The following DPPA2 variants were observed in gnomAD, a reference collection of about 807,000 sequenced individuals.
DPPA2 encodes the protein developmental pluripotency associated 2.
DPPA2 carries 26 observed loss-of-function variants against 36.2 expected under a neutral mutation model. The ratio of observed to expected loss-of-function variants is 0.72; its 90% CI spans 0.53 to 1.00. DPPA2 has a LOEUF of 1.00. DPPA2 is among the 50% of genes least tolerant of loss of function. The pLI is 0.00. For missense variants in DPPA2, 361 were observed against 365.1 expected (o/e 0.99, Z 0.09); for synonymous variants, 113 against 123.2 (o/e 0.92, Z 0.55).
At chr3:109,302,901 T>C (rs551073136) in intron 7 of DPPA2, among the ~76,000 whole-genome samples, 310 of 152,246 alleles carry the variant, frequency 2.0e-3, no homozygotes, top group African/African-American at 7.2e-3. Flanking sequence ...TGCATGTATA[T>C]TTTCCTGGAG....
intron 6 of DPPA2, among the ~76,000 whole-genome samples, chr3:109,305,156 T>C (rs1231914651): frequency 6.6e-6 from 1 of 151,650 alleles, no homozygotes; most frequent in Admixed American, 6.6e-5. Flanking sequence ...CAAAAAATAA[T>C]AATACTAATA....
At chr3:109,305,803 A>T (rs573579364) in intron 6 of DPPA2, among the ~76,000 whole-genome samples, 2 of 151,406 alleles carry the variant, frequency 1.3e-5, no homozygotes, top group Admixed American at 6.6e-5. Flanking sequence ...CGCGTAAGGA[A>T]CAATTTAAGT....
intron 6 of DPPA2, among the ~76,000 whole-genome samples, chr3:109,307,287 A>T (rs1707588534): frequency 6.6e-6 from 1 of 151,902 alleles, no homozygotes; most frequent in Non-Finnish European, 1.5e-5. Context: ...TCTATGAAAC[A>T]TGTAAATCTT....
At chr3:109,315,800 A>G (rs1707775695) in intron 1 of DPPA2, among the ~76,000 whole-genome samples, 1 of 152,156 alleles carries the variant, frequency 6.6e-6, no homozygotes, top group Non-Finnish European at 1.5e-5. Flanking sequence ...AGGCCGAGGA[A>G]GGACGACCAC....
At chr3:109,298,239 T>G (rs1707387826) in intron 8 of DPPA2, among the ~76,000 whole-genome samples, 1 of 152,186 alleles carries the variant, frequency 6.6e-6, no homozygotes. Flanking sequence ...AACCATAGAA[T>G]GTACAACACG....
At chr3:109,311,262 T>C (rs998215307) in intron 3 of DPPA2, among the ~76,000 whole-genome samples, 9 of 152,176 alleles carry the variant, frequency 5.9e-5, no homozygotes, top group African/African-American at 9.6e-5. Context: ...GCTCTTCCTA[T>C]AGAAATCAAA....
At chr3:109,308,782 G>A (rs1005794166) in intron 5 of DPPA2, among the ~76,000 whole-genome samples, 2 of 152,296 alleles carry the variant, frequency 1.3e-5, no homozygotes, top group Non-Finnish European at 2.9e-5. Context: ...TTGAAACTGT[G>A]CAGGGGGAGG....
Position 109,312,706 on chromosome 3 carries a change from T to A in DPPA2, c.34-14A>T. On this transcript the variant is annotated splice_polypyrimidine_tract_variant and intron_variant, in intron 2 of 8. Coordinates refer to ENST00000478945, the MANE Select transcript of DPPA2 (RefSeq NM_138815.4). Reference sequence around the variant, plus strand: ...CTCCAAGAAATTCTGGAAAGAGAAGTCAGTCACTGATTTTCATTTGATGCG... The same window carrying A: ...CTCCAAGAAATTCTGGAAAGAGAAGACAGTCACTGATTTTCATTTGATGCG... The A allele has an allele frequency of 6.2e-7, 1 of 1,612,288 alleles. No homozygotes were observed. Among genetic ancestry groups the A allele is most frequent in the Non-Finnish European group, 8.5e-7 (1 of 1,178,624 alleles).
intron 3 of DPPA2, among the ~76,000 whole-genome samples, chr3:109,310,614 T>TC (rs1707690013): frequency 6.6e-6 from 1 of 150,734 alleles, no homozygotes; most frequent in African/African-American, 2.4e-5. Context: ...CAAGCAATTC[T>TC]CCTGCCTCAG....
At position 109,300,421 on chromosome 3, in the gene DPPA2, A is replaced by T; in HGVS notation, c.869T>A (p.Met290Lys). 6.2e-7 allele frequency: 1 copy of T among 1,614,038 alleles called. No homozygotes were observed. The highest frequency in any genetic ancestry group is 8.5e-7 in the Non-Finnish European group (1 of 1,179,952). The stretch of plus-strand genomic sequence containing the variant: ...CTTCTCTACTGTCATTAATCTTTTC[A>T]TCATCTTCTTATTCCTGTAAGGCAA... ...PDCAKRNKKM[M>K]KRLMTVEK is the part of the protein sequence containing the mutation. The change falls in exon 8 of 9, where the codon ATG (methionine) becomes AAG (lysine). Residue 290 changes from methionine to lysine, a missense_variant. Coordinates refer to ENST00000478945, the MANE Select transcript of DPPA2 (RefSeq NM_138815.4).
At chr3:109,315,030 C>T (rs1450935946) in intron 1 of DPPA2, among the ~76,000 whole-genome samples, 1 of 152,110 alleles carries the variant, frequency 6.6e-6, no homozygotes, top group Non-Finnish European at 1.5e-5. Context: ...CGCACCACTG[C>T]ACTCCAGCTT....
At chr3:109,311,868 C>A (rs1167780365) in intron 3 of DPPA2, among the ~76,000 whole-genome samples, 1 of 152,118 alleles carries the variant, frequency 6.6e-6, no homozygotes, top group Non-Finnish European at 1.5e-5. Flanking sequence ...ACTTGCTAAG[C>A]AAAATACCAG....
chr3:109,297,213 G>A (rs1267481648), intron 8 of DPPA2, among the ~76,000 whole-genome samples: 5 of 152,076 alleles, frequency 3.3e-5, no homozygotes, highest in African/African-American at 4.8e-5. Flanking sequence ...TATCATTAAG[G>A]AATTCCAAAT....
chr3:109,309,895 A>G (rs1024966934), intron 3 of DPPA2, among the ~76,000 whole-genome samples: 8 of 151,838 alleles, frequency 5.3e-5, no homozygotes, highest in Non-Finnish European at 1.2e-4. Flanking sequence ...CAGCCCGGCC[A>G]ACATGGTAAA....
chr3:109,300,292 T>C (rs1576816351), intron 8 of DPPA2, 79 bp downstream of exon 8: 1 of 1,169,660 alleles, frequency 8.5e-7, no homozygotes, highest in East Asian at 2.3e-5. Context: ...GCAGAGAGTT[T>C]CTCTTGTATG....
rs149287862 is a variant in DPPA2 at position 109,303,527 on chromosome 3, G to A, written c.854+948C>T. On this transcript the variant is annotated intron_variant, in intron 7 of 8. Coordinates refer to ENST00000478945, the MANE Select transcript of DPPA2 (RefSeq NM_138815.4). ...TGGGATTACAGGCATGTGCCACCAC[G>A]CCCAGCTAATTTTGTATTTTTAGTA... 2.6e-5 allele frequency among the ~76,000 whole-genome samples: 4 copies of A among 151,818 alleles called. No individual in the cohort carries two copies. The East Asian group carries it at 5.9e-4, about 23-fold the overall frequency.
At chr3:109,313,277 C>T (rs1029139681) in intron 2 of DPPA2, among the ~76,000 whole-genome samples, 1 of 152,194 alleles carries the variant, frequency 6.6e-6, no homozygotes, top group Non-Finnish European at 1.5e-5. Context: ...AGTCTGGTCC[C>T]TGCCTGCCTC....
chr3:109,302,955 A>C (rs137878097), intron 7 of DPPA2, among the ~76,000 whole-genome samples: 1 of 152,138 alleles, frequency 6.6e-6, no homozygotes, highest in Non-Finnish European at 1.5e-5. Context: ...CCATGTCCCA[A>C]AAGTTACTGG....
chr3:109,301,110 A>C (rs1707449905), intron 7 of DPPA2, among the ~76,000 whole-genome samples: 1 of 150,704 alleles, frequency 6.6e-6, no homozygotes, highest in Non-Finnish European at 1.5e-5. Context: ...CAGCCTCCCC[A>C]GTAGTTGGGA....
Sources: gnomAD v4.1 joint callset for allele counts (sites outside exome capture counted in the v4.1 genomes callset) on GRCh38, gnomAD v4.1.1 for gene constraint, MANE v1.5 for transcripts, NCBI Gene and HGNC (gene_info 2026-07-23, HGNC 2026-07-21) for gene names.